The following SPATA9 variants were observed in gnomAD, a reference collection of about 807,000 sequenced individuals.
SPATA9 encodes spermatogenesis associated 9.
A neutral mutation model predicts 25.5 loss-of-function variants in SPATA9; 27 were observed. The ratio of observed to expected loss-of-function variants is 1.06; its 90% CI spans 0.78 to 1.46. The LOEUF (loss-of-function observed/expected upper bound fraction) is 1.46. Ranked by LOEUF, SPATA9 falls within the 40% of genes most tolerant of loss-of-function variation. The pLI is 0.00. For missense variants in SPATA9, 282 were observed against 297.5 expected, an observed-to-expected ratio of 0.95 and a Z score of 0.38; for synonymous variants, 102 against 105.7, an observed-to-expected ratio of 0.97 and a Z score of 0.21.
the SPATA9 span, among the ~76,000 whole-genome samples, chr5:95,727,747 A>G: frequency 6.6e-6 from 1 of 152,278 alleles, no homozygotes; most frequent in Non-Finnish European, 1.5e-5. Flanking sequence ...TAAGAAAATT[A>G]TGAAAAGATC....
chr5:95,667,827 T>C (rs1751965340), intron 3 of SPATA9, among the ~76,000 whole-genome samples: 1 of 152,172 alleles, frequency 6.6e-6, no homozygotes, highest in Non-Finnish European at 1.5e-5. Flanking sequence ...CATTGGATCA[T>C]GGGGGCAGTT....
At chr5:95,681,953 A>G (rs186849312) in intron 2 of SPATA9, among the ~76,000 whole-genome samples, 1 of 152,304 alleles carries the variant, frequency 6.6e-6, no homozygotes, top group Admixed American at 6.5e-5. Context: ...ATTAGGTTAC[A>G]TGTGTTCCCT....
chr5:95,701,726 ATAAG>A (rs1385543194), upstream of SPATA9, among the ~76,000 whole-genome samples: 3 of 152,146 alleles, frequency 2.0e-5, no homozygotes, highest in Admixed American at 6.6e-5. Flanking sequence ...GAAAATCCCT[ATAAG>A]TAAGATCAGT....
At chr5:95,715,638 T>C in the SPATA9 span, among the ~76,000 whole-genome samples, 3 of 152,284 alleles carry the variant, frequency 2.0e-5, no homozygotes, top group African/African-American at 7.2e-5. Flanking sequence ...ATAACACTAC[T>C]AAAAATAATA....
At chr5:95,695,092 C>T (rs1171831694) in intron 1 of SPATA9, among the ~76,000 whole-genome samples, 2 of 152,166 alleles carry the variant, frequency 1.3e-5, no homozygotes, top group Non-Finnish European at 2.9e-5. Context: ...CTACTGTATA[C>T]ATGCATGTGA....
the SPATA9 span, among the ~76,000 whole-genome samples, chr5:95,721,985 T>C: frequency 0.052 from 7,921 of 152,222 alleles, 621 homozygotes; most frequent in African/African-American, 0.17. Flanking sequence ...TTTTTAACTG[T>C]AGACAGGATT....
intron 1 of SPATA9, among the ~76,000 whole-genome samples, chr5:95,695,858 C>A (rs1244691271): frequency 6.6e-6 from 1 of 152,150 alleles, no homozygotes; most frequent in Admixed American, 6.5e-5. Context: ...TTGAATACAG[C>A]AGAAATGATG....
At chr5:95,724,672 G>A in the SPATA9 span, among the ~76,000 whole-genome samples, 1 of 152,108 alleles carries the variant, frequency 6.6e-6, no homozygotes, top group African/African-American at 2.4e-5. Flanking sequence ...CAACATGTTG[G>A]CCAGGCTGGT....
chr5:95,689,527 C>T (rs564837694), intron 1 of SPATA9, among the ~76,000 whole-genome samples: 10 of 152,164 alleles, frequency 6.6e-5, no homozygotes, highest in Non-Finnish European at 1.2e-4. Flanking sequence ...GAATTTAAAA[C>T]ACAGTACAAG....
At chr5:95,663,196 G>T (rs2112564966) in intron 4 of SPATA9, among the ~76,000 whole-genome samples, 1 of 152,258 alleles carries the variant, frequency 6.6e-6, no homozygotes, top group Admixed American at 6.5e-5. Flanking sequence ...CAGTGAAAAT[G>T]AACAAACTAC....
chr5:95,720,008 A>G, the SPATA9 span, among the ~76,000 whole-genome samples: 5 of 152,198 alleles, frequency 3.3e-5, no homozygotes, highest in African/African-American at 9.6e-5. Flanking sequence ...CTTTCCTATA[A>G]GGGAAGACAG....
upstream of SPATA9, among the ~76,000 whole-genome samples, chr5:95,686,353 T>C (rs1394140467): frequency 6.6e-6 from 1 of 152,070 alleles, no homozygotes; most frequent in Non-Finnish European, 1.5e-5. Context: ...TGTAAAACAA[T>C]ATAGTTTATA....
At chr5:95,678,703 T>C (rs1753165600) in intron 2 of SPATA9, among the ~76,000 whole-genome samples, 2 of 152,322 alleles carry the variant, frequency 1.3e-5, no homozygotes, top group African/African-American at 4.8e-5. Flanking sequence ...TTTCACTGTT[T>C]GGGAAGTATG....
chr5:95,706,847 T>C, the SPATA9 span, among the ~76,000 whole-genome samples: 1 of 152,176 alleles, frequency 6.6e-6, no homozygotes, highest in Admixed American at 6.6e-5. Flanking sequence ...CATATATATA[T>C]ATAATTTTGT....
the SPATA9 span, among the ~76,000 whole-genome samples, chr5:95,707,507 T>A: frequency 7.0e-6 from 1 of 142,322 alleles, no homozygotes; most frequent in African/African-American, 2.6e-5. Flanking sequence ...TTAAAACAAT[T>A]TTACAGAAGT....
At chr5:95,692,671 C>T (rs1220821607) in intron 1 of SPATA9, among the ~76,000 whole-genome samples, 2 of 151,992 alleles carry the variant, frequency 1.3e-5, no homozygotes, top group Non-Finnish European at 2.9e-5. Flanking sequence ...GAGTTCTTTT[C>T]AATGCTTCCT....
At chr5:95,703,460 C>A (rs529015231), upstream of SPATA9, among the ~76,000 whole-genome samples, 2 of 152,006 alleles carry the variant, frequency 1.3e-5, no homozygotes, top group African/African-American at 2.4e-5. Flanking sequence ...ATGGTGAAAC[C>A]TTGTCTACAC....
At chr5:95,711,976 G>C in the SPATA9 span, among the ~76,000 whole-genome samples, 1 of 152,170 alleles carries the variant, frequency 6.6e-6, no homozygotes, top group Non-Finnish European at 1.5e-5. Flanking sequence ...AGTGTCCGGA[G>C]CTTGCCTTTC....
the SPATA9 span, among the ~76,000 whole-genome samples, chr5:95,711,522 TC>T: frequency 2.3e-3 from 354 of 152,172 alleles, 1 homozygote; most frequent in African/African-American, 8.3e-3. Context: ...GACTTGTGCC[TC>T]TCTCAGTGGT....
Sources: gnomAD v4.1 joint callset for allele counts (sites outside exome capture counted in the v4.1 genomes callset) on GRCh38, gnomAD v4.1.1 for gene constraint, MANE v1.5 for transcripts, NCBI Gene and HGNC (gene_info 2026-07-23, HGNC 2026-07-21) for gene names.